Variants in ASAP2 observed in about 807,000 individuals in gnomAD.
ASAP2 encodes the protein arf-GAP with SH3 domain, ANK repeat and PH domain-containing protein 2.
Under a neutral mutation model 131.4 loss-of-function variants are expected in ASAP2, and 45 were observed. The ratio of observed to expected loss-of-function variants is 0.34; its 90% CI spans 0.27 to 0.44. The LOEUF (loss-of-function observed/expected upper bound fraction) is 0.44. Among genes scored for constraint, ASAP2 ranks in the 20% least tolerant of loss-of-function variants. The pLI is 1.00. For synonymous variants in ASAP2, 510 were observed against 503.0 expected, an observed-to-expected ratio of 1.01 and a Z score of -0.19; for missense variants, 1,011 against 1,297.0, an observed-to-expected ratio of 0.78 and a Z score of 3.39.
intron 1 of ASAP2, among the ~76,000 whole-genome samples, chr2:9,245,842 C>T (rs1011456568): frequency 1.8e-4 from 27 of 152,200 alleles, no homozygotes; most frequent in Non-Finnish European, 3.7e-4. Flanking sequence ...CACCAGATCC[C>T]CAGTGCCCAG....
At chr2:9,297,208 T>A in intron 2 of ASAP2, 92 bp from the exon 3 acceptor site, 1 of 1,450,366 alleles carries the variant, frequency 6.9e-7, no homozygotes, top group Non-Finnish European at 9.4e-7. Context: ...CTTCTGCTGA[T>A]GTGTTCAGTG....
chr2:9,330,886 T>C (rs1182595803), intron 7 of ASAP2, among the ~76,000 whole-genome samples: 1 of 152,248 alleles, frequency 6.6e-6, no homozygotes, highest in Non-Finnish European at 1.5e-5. Context: ...AAAATATGAA[T>C]CTTCCATTAC....
At chr2:9,327,754 C>G (rs1670572114) in intron 6 of ASAP2, 72 bp from the exon 7 acceptor site, 1 of 1,096,498 alleles carries the variant, frequency 9.1e-7, no homozygotes, top group Non-Finnish European at 1.3e-6. Flanking sequence ...GAAATCATCT[C>G]AGTCCTCAGA....
At chr2:9,317,484 C>T (rs1418234074) in intron 3 of ASAP2, among the ~76,000 whole-genome samples, 1 of 149,968 alleles carries the variant, frequency 6.7e-6, no homozygotes, top group Non-Finnish European at 1.5e-5. Context: ...CAGTCACTTA[C>T]ACCCTTACAC....
In ASAP2 at chr2:9,269,886, G is replaced by A. The variant is rs534909079; in HGVS notation, c.127-9431G>A. On this transcript the variant is annotated intron_variant, in intron 1 of 27. Transcript: ENST00000281419. Reference sequence around the variant, plus strand: ...ACTTCCCTTACCCACAGTGTGCACCGTCCCCACTGTCCCCACACACTGTCC... The same window carrying A: ...ACTTCCCTTACCCACAGTGTGCACCATCCCCACTGTCCCCACACACTGTCC... Among the ~76,000 whole-genome samples the A allele has an allele frequency of 6.6e-5, 10 of 152,308 alleles. No homozygotes were observed. In the South Asian group the frequency reaches 1.0e-3, roughly 16 times the overall value.
At chr2:9,403,157 C>A in intron 27 of ASAP2, 96 bp from the exon 28 acceptor site, 1 of 1,000,592 alleles carries the variant, frequency 1.0e-6, no homozygotes, top group Non-Finnish European at 1.5e-6. Flanking sequence ...CTGAACCAAT[C>A]TTGCTTTTCT....
At chr2:9,331,433 G>A (rs1180681947) in intron 7 of ASAP2, among the ~76,000 whole-genome samples, 1 of 152,136 alleles carries the variant, frequency 6.6e-6, no homozygotes, top group Non-Finnish European at 1.5e-5. Flanking sequence ...GTACTCTAGC[G>A]GAATCTAGAA....
chr2:9,374,658 A>G (rs1482023982), intron 16 of ASAP2, 97 bp from the exon 17 acceptor site: 9 of 1,203,004 alleles, frequency 7.5e-6, no homozygotes, highest in Non-Finnish European at 8.1e-6. Flanking sequence ...TACCAGGGAC[A>G]TGGCGCAGGA....
intron 2 of ASAP2, among the ~76,000 whole-genome samples, chr2:9,280,003 G>A (rs7567672): frequency 0.74 from 112,293 of 152,074 alleles, 41,554 homozygotes; most frequent in East Asian, 0.89. Context: ...TTTAAAAGTC[G>A]TTAAGTGACT....
intron 2 of ASAP2, among the ~76,000 whole-genome samples, chr2:9,294,661 C>T (rs1668042917): frequency 6.6e-6 from 1 of 152,228 alleles, no homozygotes; most frequent in East Asian, 1.9e-4. Context: ...GACCTTTATA[C>T]GAAGTCCCTT....
intron 12 of ASAP2, among the ~76,000 whole-genome samples, 172 bp from the exon 13 acceptor site, chr2:9,355,875 T>C (rs571281163): frequency 6.6e-6 from 1 of 152,334 alleles, no homozygotes; most frequent in African/African-American, 2.4e-5. Context: ...ATGCCACCGT[T>C]GGTGAAGGCA....
At chr2:9,270,519 A>G (rs1199470378) in intron 1 of ASAP2, among the ~76,000 whole-genome samples, 1 of 152,104 alleles carries the variant, frequency 6.6e-6, no homozygotes, top group Non-Finnish European at 1.5e-5. Flanking sequence ...TAATAATCAC[A>G]TTAGGGTAAA....
In ASAP2 at chr2:9,385,238, C is replaced by T. The variant is rs751768453; in HGVS notation, c.2017-7C>T. ...CAACAGCACTGACCATCCCTCTGTTCTCTCAGCTGACCCAAGCCTTATCTG... is the reference window on the plus strand; with the variant it reads ...CAACAGCACTGACCATCCCTCTGTTTTCTCAGCTGACCCAAGCCTTATCTG... On this transcript the variant is annotated splice_region_variant and splice_polypyrimidine_tract_variant and intron_variant, in intron 20 of 27. Transcript: ENST00000281419. 1 of 1,604,698 alleles carries T rather than the reference C, an allele frequency of 6.2e-7. No individual in the cohort carries two copies. Among genetic ancestry groups the T allele is most frequent in the Non-Finnish European group, 8.5e-7 (1 of 1,171,438 alleles).
rs1194961792 is a variant in ASAP2, at chr2:9,279,538, T to C, written c.199+149T>C. Reference sequence around the variant, plus strand: ...TCACAGAGGTGAGCTGGGATGTTTCTTTTTCAGAAGTATGTTTTGTTTTGC... The same window carrying C: ...TCACAGAGGTGAGCTGGGATGTTTCCTTTTCAGAAGTATGTTTTGTTTTGC... On this transcript the variant is annotated intron_variant, in intron 2 of 27. Coordinates refer to ENST00000281419, the MANE Select transcript of ASAP2 (RefSeq NM_003887.3). The C allele has an allele frequency of 9.4e-6, 7 of 743,392 alleles. No individual in the cohort carries two copies. The African/African-American group carries it at 1.1e-4, about 11-fold the overall frequency. The allele number at this position is 743,392 out of a possible 1,614,324, so 46.0% of individuals were successfully genotyped here.
intron 20 of ASAP2, among the ~76,000 whole-genome samples, chr2:9,382,170 G>C (rs2148748154): frequency 6.6e-6 from 1 of 152,150 alleles, no homozygotes; most frequent in East Asian, 1.9e-4. Flanking sequence ...TTTTAATAGA[G>C]ACGGGGTTTC....
chr2:9,298,842 T>C (rs1668315563), intron 3 of ASAP2, among the ~76,000 whole-genome samples: 1 of 152,042 alleles, frequency 6.6e-6, no homozygotes, highest in African/African-American at 2.4e-5. Flanking sequence ...GCCTCACACT[T>C]CAGTACAGAT....
At chr2:9,350,982 C>A (rs1053511880) in intron 12 of ASAP2, 87 bp downstream of exon 12, 3 of 1,026,394 alleles carry the variant, frequency 2.9e-6, no homozygotes, top group Admixed American at 2.6e-5. Context: ...ACACTGCATT[C>A]GGAAGAATTG....
intron 1 of ASAP2, among the ~76,000 whole-genome samples, chr2:9,233,996 A>C (rs1156945326): frequency 6.6e-6 from 1 of 151,852 alleles, no homozygotes; most frequent in African/African-American, 2.4e-5. Flanking sequence ...CTGTAATCCC[A>C]GCTACTCGGG....
At chr2:9,222,807 T>C (rs1018139596) in intron 1 of ASAP2, among the ~76,000 whole-genome samples, 5 of 152,158 alleles carry the variant, frequency 3.3e-5, no homozygotes, top group African/African-American at 1.2e-4. Context: ...TTTCCCATCT[T>C]CCTTCCTTCC....
Sources: gnomAD v4.1 joint callset for allele counts (sites outside exome capture counted in the v4.1 genomes callset) on GRCh38, gnomAD v4.1.1 for gene constraint, MANE v1.5 for transcripts, NCBI Gene and HGNC (gene_info 2026-07-23, HGNC 2026-07-21) for gene names.